SFPQ: variants seen among roughly 807,000 people sequenced by gnomAD.
SFPQ encodes splicing factor, proline- and glutamine-rich.
Under a neutral mutation model 72.9 loss-of-function variants are expected in SFPQ, and 11 were observed. The ratio of observed to expected loss-of-function variants is 0.15; its 90% CI spans 0.09 to 0.25. The LOEUF is 0.25. SFPQ is among the 10% of genes least tolerant of loss of function. The probability of loss-of-function intolerance (pLI) is 1.00; values close to 1 mark genes in which losing one functional copy is unlikely to be tolerated. For missense variants in SFPQ, 847 were observed against 993.3 expected, an observed-to-expected ratio of 0.85 and a Z score of 1.98; for synonymous variants, 506 against 367.3, an observed-to-expected ratio of 1.38 and a Z score of -4.32.
In SFPQ at chr1:35,188,166, TTGAC is replaced by T. The variant is rs1455927229; in HGVS notation, c.1698-80_1698-77del. 3.6e-5 allele frequency: 41 copies of T among 1,127,736 alleles called. No individual in the cohort carries two copies. The African/African-American group carries it at 5.5e-4, about 15-fold the overall frequency. The allele number at this position is 1,127,736 out of a possible 1,614,324, so 69.9% of individuals were successfully genotyped here. Reference sequence around the variant, plus strand: ...AATTCAATGTGAAGAAACCTAGCAGTTGACCTAAGAACTAGGTTAGCACTAAAAA... The same window carrying T: ...AATTCAATGTGAAGAAACCTAGCAGTCTAAGAACTAGGTTAGCACTAAAAA... On this transcript the variant is annotated intron_variant, in intron 6 of 9. Transcript: ENST00000357214.
Position 35,187,229 on chromosome 1 carries a change from C to A in SFPQ, c.1838G>T (p.Gly613Val), listed in dbSNP as rs1395976029. 1.9e-6 allele frequency: 3 copies of A among 1,614,148 alleles called. No homozygotes were observed. The highest frequency in any genetic ancestry group is 2.5e-6 in the Non-Finnish European group (3 of 1,180,012). The change falls in exon 8 of 10, where the codon GGT becomes GTT. Residue 613 changes from glycine to valine, a missense_variant. Coordinates refer to ENST00000357214, the MANE Select transcript of SFPQ (RefSeq NM_005066.3). ...TCCCATGTTCATTGCTCCTCCGCCA[C>A]CCATTCGCATGTCTCTTTCCCGCTG... ...MDPRERDMRM[G>V]GGGAMNMGDP...
Position 35,184,349 on chromosome 1 carries a change from C to CGTTAA in SFPQ, c.*106_*107insTTAAC. 1 of 1,550,508 alleles carries CGTTAA rather than the reference C, an allele frequency of 6.4e-7. No homozygotes were observed. Among genetic ancestry groups the CGTTAA allele is most frequent in the Non-Finnish European group, 8.6e-7 (1 of 1,156,766 alleles). On this transcript the variant is annotated 3_prime_UTR_variant, in exon 10 of 10. Coordinates refer to ENST00000357214, the MANE Select transcript of SFPQ (RefSeq NM_005066.3). ...TTACAAATATTAGGTCAATAAACTG[C>CGTTAA]TAACATCCATAAAAAGATAGCTTTC...
rs757953039 is a variant in SFPQ at position 35,184,487 on chromosome 1, T to C, written c.2093A>G (p.Tyr698Cys). 1 of 1,612,564 alleles carries C rather than the reference T, an allele frequency of 6.2e-7. No individual in the cohort carries two copies. Among genetic ancestry groups the C allele is most frequent in the Non-Finnish European group, 8.5e-7 (1 of 1,179,392 alleles). The change falls in exon 10 of 10, where the codon TAC becomes TGC. Residue 698 changes from tyrosine to cysteine, a missense_variant. By Grantham distance (194) the Tyr-to-Cys change is radical. This residue lies in a region of SFPQ where 154 missense variants were observed against 186.0 expected (regional missense o/e 0.83). Transcript: ENST00000357214. ...TCGGGGTTTTTTGTTTGGGCCTTCG[T>C]ACTCTTCTCTCCCTCTACCATATCC... ...PAGYGRGREE[Y>C]EGPNKKPRF
Position 35,183,135 on chromosome 1 carries a change from A to G in SFPQ, c.*1321T>C. On this transcript the variant is annotated 3_prime_UTR_variant, in exon 10 of 10. Transcript: ENST00000357214. ...AGAACCAATAGATTTTTATAGTCCT[A>G]TAGATTTTGCCCAACAGAAGTAGCA... 9.7e-7 allele frequency: 1 copy of G among 1,027,014 alleles called. No homozygotes were observed. The highest frequency in any genetic ancestry group is 1.2e-6 in the Non-Finnish European group (1 of 855,012). 63.6% of individuals were successfully genotyped at this position (1,027,014 alleles called of 1,614,324 possible). A position where few individuals can be genotyped will look rare whatever the true frequency, so the allele number is the denominator to read the frequency against.
At chr1:35,177,942 T>C, downstream of SFPQ, 1 of 927,564 alleles carries the variant, frequency 1.1e-6, no homozygotes, top group Non-Finnish European at 1.4e-6. Flanking sequence ...ATTATTTAAA[T>C]CAAACTCAAA....
At position 35,193,075 on chromosome 1, in the gene SFPQ, C is replaced by CA. The variant is rs1640123982; in HGVS notation, c.-27dup. On this transcript the variant is annotated 5_prime_UTR_variant, in exon 1 of 10. Transcript: ENST00000357214. ...GTCTGTGGTCAAGGGGCGGTCGAGG[C>CA]AAAAGCGAAGAAGACGCTCAGGAAA... 2.0e-6 allele frequency: 3 copies of CA among 1,524,756 alleles called. No homozygotes were observed. Among genetic ancestry groups the CA allele is most frequent in the Non-Finnish European group, 2.6e-6 (3 of 1,147,734 alleles). The allele number at this position is 1,524,756 out of a possible 1,614,324, so 94.5% of individuals were successfully genotyped here. A position where few individuals can be genotyped will look rare whatever the true frequency, so the allele number is the denominator to read the frequency against.
chr1:35,184,532 A>G lies in SFPQ; in HGVS notation c.2048T>C (p.Met683Thr), dbSNP rs1235332657. 6.2e-7 allele frequency: 1 copy of G among 1,613,380 alleles called. No individual in the cohort carries two copies. Among genetic ancestry groups the G allele is most frequent in the Admixed American group, 1.7e-5 (1 of 59,900 alleles). Residue 683 changes from methionine to threonine, a missense_variant, in exon 10 of 10, where the codon ATG (methionine) becomes ACG (threonine). Around this residue, in one of 6 missense-constraint regions of SFPQ, gnomAD observed 154 missense variants for 186.0 expected, o/e 0.83. Coordinates refer to ENST00000357214, the MANE Select transcript of SFPQ (RefSeq NM_005066.3). ...GPVGGQGPRG[M>T]GPGTPAGYGR... ...ATATCCTGCTGGAGTTCCAGGCCCCATTCCTCTAGGACCCTGTCCACCCAC... is the reference window on the plus strand; with the variant it reads ...ATATCCTGCTGGAGTTCCAGGCCCCGTTCCTCTAGGACCCTGTCCACCCAC...
Position 35,183,183 on chromosome 1 carries a change from A to G in SFPQ, c.*1273T>C. 1 of 1,018,658 alleles carries G rather than the reference A, an allele frequency of 9.8e-7. No homozygotes were observed. The highest frequency in any genetic ancestry group is 1.2e-6 in the Non-Finnish European group (1 of 849,028). 63.1% of individuals were successfully genotyped at this position (1,018,658 alleles called of 1,614,324 possible). On this transcript the variant is annotated 3_prime_UTR_variant, in exon 10 of 10. Coordinates refer to ENST00000357214, the MANE Select transcript of SFPQ (RefSeq NM_005066.3). ...GCACAAGGAGATGTAAAAGTTACAGAGTACAAATGTATATATAACTAAACC... is the reference window on the plus strand; with the variant it reads ...GCACAAGGAGATGTAAAAGTTACAGGGTACAAATGTATATATAACTAAACC...
intron 6 of SFPQ, 56 bp downstream of exon 6, chr1:35,188,947 T>C: frequency 7.2e-7 from 1 of 1,395,914 alleles, no homozygotes; most frequent in Non-Finnish European, 1.0e-6. Context: ...GGCAACAGAA[T>C]GATACGTTTC....
chr1:35,180,867 A>G (rs765546626), downstream of SFPQ: 5 of 985,304 alleles, frequency 5.1e-6, no homozygotes, highest in Non-Finnish European at 6.0e-6. Context: ...TTCAGTTACA[A>G]TGCAACTAAA....
rs1195051904 is a variant in SFPQ at position 35,185,788 on chromosome 1, G to C, written c.1987-1195C>G. Reference sequence around the variant, plus strand: ...TACAGGGTTTTTGGCTCATTGTTCTGTGTTCTACCTCTAAGAACTTAAAAA... The same window carrying C: ...TACAGGGTTTTTGGCTCATTGTTCTCTGTTCTACCTCTAAGAACTTAAAAA... On this transcript the variant is annotated intron_variant, in intron 9 of 9. Coordinates refer to ENST00000357214, the MANE Select transcript of SFPQ (RefSeq NM_005066.3). Among the ~76,000 whole-genome samples, 3 of 151,766 alleles carry C rather than the reference G, an allele frequency of 2.0e-5. No individual in the cohort carries two copies. The East Asian group carries it at 5.8e-4, about 29-fold the overall frequency.
At position 35,186,996 on chromosome 1, in the gene SFPQ, A is replaced by T. The variant is rs771974326; in HGVS notation, c.1986+5T>A. The T allele has an allele frequency of 6.2e-7, 1 of 1,612,840 alleles. No individual in the cohort carries two copies. Among genetic ancestry groups the T allele is most frequent in the Non-Finnish European group, 8.5e-7 (1 of 1,179,160 alleles). ...CTTGGTACTACGTCCCACAGGATAC[A>T]TTACCATGTCACTTCCCATCATGGA... On this transcript the variant is annotated splice_donor_5th_base_variant and intron_variant, in intron 9 of 9. Coordinates refer to ENST00000357214, the MANE Select transcript of SFPQ (RefSeq NM_005066.3).
At chr1:35,187,402 C>A (rs970606129) in intron 7 of SFPQ, 151 bp from the exon 8 acceptor site, 4 of 793,904 alleles carry the variant, frequency 5.0e-6, no homozygotes, top group Admixed American at 4.7e-5. Flanking sequence ...ATTCTGAAAA[C>A]TAAGTTAGAC....
Position 35,191,437 on chromosome 1 carries a change from A to G in SFPQ, c.921T>C (p.Asp307=). Residue 307 remains aspartate (D), a synonymous_variant, in exon 2 of 10, where the codon GAT becomes GAC. Coordinates refer to ENST00000357214, the MANE Select transcript of SFPQ (RefSeq NM_005066.3). ...GTCTTTTGAATTCATCCTCCGTGAT[A>G]TCAGCAGGTAGATTCCCAACAAACA... The part of the protein sequence containing the change: ...CRLFVGNLPA[D]ITEDEFKRLF... 6.2e-7 allele frequency: 1 copy of G among 1,614,122 alleles called. No homozygotes were observed. Among genetic ancestry groups the G allele is most frequent in the Non-Finnish European group, 8.5e-7 (1 of 1,179,946 alleles).
chr1:35,179,883 G>A (rs1458491259), downstream of SFPQ: 1 of 1,054,522 alleles, frequency 9.5e-7, no homozygotes, highest in East Asian at 5.4e-5. Flanking sequence ...TTACGACACA[G>A]GAAACCCCAT....
downstream of SFPQ, chr1:35,179,020 AGAT>A (rs1464235270): frequency 5.7e-6 from 6 of 1,058,844 alleles, no homozygotes; most frequent in South Asian, 1.8e-4. Flanking sequence ...CAGCAATGAC[AGAT>A]GATTAGGAGC....
chr1:35,188,060 T>C lies in SFPQ; in HGVS notation c.1728A>G (p.Glu576=), dbSNP rs770259638. The change falls in exon 7 of 10, where the codon GAA becomes GAG. Residue 576 remains glutamate (E), a synonymous_variant. Coordinates refer to ENST00000357214, the MANE Select transcript of SFPQ (RefSeq NM_005066.3). The part of the protein sequence containing the change: ...RQEEERRRRE[E]EMMIRQREME... ...TCTCACGTTGACGAATCATCATCTCTTCCTCTCTTCTACGTCGTTCCTCCT... is the reference window on the plus strand; with the variant it reads ...TCTCACGTTGACGAATCATCATCTCCTCCTCTCTTCTACGTCGTTCCTCCT... 4 of 1,613,928 alleles carry C rather than the reference T, an allele frequency of 2.5e-6. No individual in the cohort carries two copies. The highest frequency in any genetic ancestry group is 3.3e-5 in the Admixed American group (2 of 59,994).
chr1:35,188,543 G>A (rs1166765299), intron 6 of SFPQ, among the ~76,000 whole-genome samples: 2 of 152,322 alleles, frequency 1.3e-5, no homozygotes, highest in South Asian at 2.1e-4. Flanking sequence ...TTAGCTGGGG[G>A]TGGTGGCCTG....
downstream of SFPQ, chr1:35,181,862 G>C: frequency 1.0e-6 from 1 of 985,134 alleles, no homozygotes; most frequent in Non-Finnish European, 1.2e-6. Context: ...AAGTCTATTT[G>C]AGTAAGCTTA....
Sources: allele counts gnomAD v4.1 joint callset (sites outside exome capture counted in the v4.1 genomes callset), GRCh38; gene constraint gnomAD v4.1.1; regional missense constraint gnomAD v4.1.1; transcripts MANE v1.5; gene names NCBI Gene and HGNC (gene_info 2026-07-23, HGNC 2026-07-21).